The following NOL7 variants were observed in gnomAD, a reference collection of about 807,000 sequenced individuals.
NOL7 encodes nucleolar protein 7.
NOL7 carries 36 observed loss-of-function variants against 38.4 expected under a neutral mutation model. The observed-to-expected ratio is 0.94, with a 90% CI of 0.72 to 1.24. NOL7 has a LOEUF of 1.24. NOL7 is among the 50% of genes most tolerant of loss of function. The probability of loss-of-function intolerance (pLI) is 0.00; values close to 1 mark genes in which losing one functional copy is unlikely to be tolerated. For missense variants in NOL7, 350 were observed against 315.1 expected (o/e 1.11, Z -0.84); for synonymous variants, 142 against 126.5 (o/e 1.12, Z -0.82).
intron 2 of NOL7, among the ~76,000 whole-genome samples, chr6:13,616,176 G>C (rs181394478): frequency 3.3e-5 from 5 of 152,318 alleles, no homozygotes; most frequent in African/African-American, 7.2e-5. Context: ...ACTCGACACA[G>C]AGAGCTGGCT....
chr6:13,620,715 T>C, intron 7 of NOL7, 39 bp from the exon 8 acceptor site: 1 of 1,376,854 alleles, frequency 7.3e-7, no homozygotes, highest in Non-Finnish European at 1.0e-6. Flanking sequence ...TGAATTATGT[T>C]TTTCTAATAT....
chr6:13,617,876 A>G, intron 4 of NOL7, 75 bp downstream of exon 4: 1 of 1,423,830 alleles, frequency 7.0e-7, no homozygotes, highest in Non-Finnish European at 9.9e-7. Flanking sequence ...GTCAAATATG[A>G]ATGGCCCTTA....
intron 8 of NOL7, among the ~76,000 whole-genome samples, chr6:13,630,852 T>G (rs1396723705): frequency 6.6e-6 from 1 of 152,152 alleles, no homozygotes; most frequent in Non-Finnish European, 1.5e-5. Context: ...TATTTTTTTT[T>G]TTTTAAGAGG....
intron 8 of NOL7, among the ~76,000 whole-genome samples, chr6:13,632,025 T>C (rs1764795874): frequency 6.6e-6 from 1 of 151,486 alleles, no homozygotes; most frequent in Non-Finnish European, 1.5e-5. Context: ...TTGCTCCTAG[T>C]AACTGCTGAT....
chr6:13,632,274 C>G, intron 8 of NOL7: 2 of 1,318,388 alleles, frequency 1.5e-6, no homozygotes, highest in Non-Finnish European at 2.1e-6. Flanking sequence ...TCCCAGTTCC[C>G]TAACAAGAAT....
intron 2 of NOL7, 143 bp downstream of exon 2, chr6:13,615,915 G>A (rs1764269634): frequency 3.3e-6 from 3 of 909,820 alleles, no homozygotes; most frequent in Non-Finnish European, 4.9e-6. Flanking sequence ...AAAGATGCTC[G>A]GGCCGGGCGC....
At chr6:13,625,505 G>A (rs899883524), downstream of NOL7, 1 of 462,070 alleles carries the variant, frequency 2.2e-6, no homozygotes, top group African/African-American at 1.9e-5. Flanking sequence ...AAAGGAGGGG[G>A]TTTCTATATT....
At chr6:13,630,533 A>G (rs1764749062) in intron 8 of NOL7, among the ~76,000 whole-genome samples, 1 of 151,836 alleles carries the variant, frequency 6.6e-6, no homozygotes, top group Non-Finnish European at 1.5e-5. Flanking sequence ...AAAAAAAAAA[A>G]TTCTTTATTT....
downstream of NOL7, chr6:13,622,392 T>G: frequency 6.3e-7 from 1 of 1,597,760 alleles, no homozygotes; most frequent in African/African-American, 1.3e-5. Context: ...CTGTGGCAAA[T>G]GCGCAGGATC....
At chr6:13,629,419 CTGAAAATACCT>C (rs1490246341) in intron 8 of NOL7, among the ~76,000 whole-genome samples, 1 of 152,132 alleles carries the variant, frequency 6.6e-6, no homozygotes, top group Non-Finnish European at 1.5e-5. Flanking sequence ...AGGCACAAAA[CTGAAAATACCT>C]GAAATATGTA....
chr6:13,629,551 A>G (rs1480259688), intron 8 of NOL7, among the ~76,000 whole-genome samples: 1 of 152,184 alleles, frequency 6.6e-6, no homozygotes, highest in Non-Finnish European at 1.5e-5. Context: ...TTTGGTTTAG[A>G]ATCTGGAGCA....
In NOL7 at chr6:13,618,539, G is replaced by A. The variant is rs368299357; in HGVS notation, c.500+400G>A. Among the ~76,000 whole-genome samples the A allele has an allele frequency of 2.2e-4, 33 of 152,138 alleles. 1 individual carries two copies. The highest frequency in any genetic ancestry group is 2.1e-3 in the East Asian group (11 of 5,194). On this transcript the variant is annotated intron_variant, in intron 5 of 7. Coordinates refer to ENST00000451315, the MANE Select transcript of NOL7 (RefSeq NM_016167.5). Reference sequence around the variant, plus strand: ...TGGGATTACAGGCGTGAGCCACCGCGCCCGGCCGGGAAAATATTTTAATTA... The same window carrying A: ...TGGGATTACAGGCGTGAGCCACCGCACCCGGCCGGGAAAATATTTTAATTA...
chr6:13,617,832 A>G (rs768240174), intron 4 of NOL7, 31 bp downstream of exon 4: 3 of 1,595,992 alleles, frequency 1.9e-6, no homozygotes. Flanking sequence ...CTAACTTCTC[A>G]TGTAAGTGTC....
chr6:13,629,921 C>CTCGTGTGT (rs1554221305), intron 8 of NOL7, among the ~76,000 whole-genome samples: 134 of 128,420 alleles, frequency 1.0e-3, no homozygotes, highest in African/African-American at 2.6e-3. Context: ...CTCTCTCTCT[C>CTCGTGTGT]GTGTGTGTGT....
rs748903190 is a variant in NOL7, at chr6:13,618,142, AAT to A, written c.500+4_500+5del. The A allele has an allele frequency of 6.5e-7, 1 of 1,537,930 alleles. No individual in the cohort carries two copies. The highest frequency in any genetic ancestry group is 9.0e-7 in the Non-Finnish European group (1 of 1,116,214). ...GTACAAAAAGTACAGTCTGTCAGGTAATGAGTCTTTTGTTTCATTTGGGATGT... is the reference window on the plus strand; with the variant it reads ...GTACAAAAAGTACAGTCTGTCAGGTAGAGTCTTTTGTTTCATTTGGGATGT... On this transcript the variant is annotated splice_donor_5th_base_variant and intron_variant, in intron 5 of 7. Transcript: ENST00000451315.
downstream of NOL7, chr6:13,625,523 T>C (rs1584905922): frequency 3.7e-6 from 2 of 533,728 alleles, no homozygotes; most frequent in Non-Finnish European, 6.6e-6. Flanking sequence ...ATTTTAGGTA[T>C]TTTTATATTT....
Position 13,620,203 on chromosome 6 carries a change from A to T in NOL7, c.501-5A>T. 1 of 1,604,442 alleles carries T rather than the reference A, an allele frequency of 6.2e-7. No homozygotes were observed. Among genetic ancestry groups the T allele is most frequent in the Non-Finnish European group, 8.5e-7 (1 of 1,177,500 alleles). ...TCTTATTTAACCTTTTATATTGATC[A>T]ACAGCCAGAATAAAAGCTACTTGGC... On this transcript the variant is annotated splice_polypyrimidine_tract_variant and splice_region_variant and intron_variant, in intron 5 of 7. Coordinates refer to ENST00000451315, the MANE Select transcript of NOL7 (RefSeq NM_016167.5).
At chr6:13,628,255 C>T (rs1405734987) in intron 8 of NOL7, among the ~76,000 whole-genome samples, 1 of 152,154 alleles carries the variant, frequency 6.6e-6, no homozygotes, top group Non-Finnish European at 1.5e-5. Flanking sequence ...ATTTCATTTT[C>T]AGTACAGTTC....
intron 5 of NOL7, 82 bp from the exon 6 acceptor site, chr6:13,620,124 CAG>C: frequency 6.9e-7 from 1 of 1,457,800 alleles, no homozygotes; most frequent in Non-Finnish European, 9.2e-7. Flanking sequence ...GCCTGGGTGA[CAG>C]AGCGAGACTC....
Sources: allele counts gnomAD v4.1 joint callset (sites outside exome capture counted in the v4.1 genomes callset), GRCh38; gene constraint gnomAD v4.1.1; transcripts MANE v1.5; gene names NCBI Gene and HGNC (gene_info 2026-07-23, HGNC 2026-07-21).